The following SH3BGRL2 variants were observed in gnomAD, a reference collection of about 807,000 sequenced individuals.
The protein encoded by SH3BGRL2 is SH3 domain-binding glutamic acid-rich-like protein 2.
Under a neutral mutation model 14.8 loss-of-function variants are expected in SH3BGRL2, and 21 were observed. The observed-to-expected ratio is 1.42, with a 90% CI of 1.01 to 2.05. The LOEUF is 2.05. Among genes scored for constraint, SH3BGRL2 ranks in the 30% most tolerant of loss-of-function variants. The pLI, the probability that SH3BGRL2 is intolerant of heterozygous loss-of-function variation, is 0.00. For synonymous variants in SH3BGRL2, 50 were observed against 47.8 expected (o/e 1.05, Z -0.19); for missense variants, 147 against 130.8 (o/e 1.12, Z -0.61).
chr6:79,665,217 A>G (rs1161177193), intron 1 of SH3BGRL2, among the ~76,000 whole-genome samples: 1 of 152,222 alleles, frequency 6.6e-6, no homozygotes, highest in East Asian at 1.9e-4. Context: ...ATAAAAAAAT[A>G]AAAATTCAGC....
chr6:79,544,816 T>C, the SH3BGRL2 span, among the ~76,000 whole-genome samples: 1 of 152,224 alleles, frequency 6.6e-6, no homozygotes, highest in Admixed American at 6.5e-5. Context: ...TAAGTTGTTA[T>C]TTGGAGTATT....
At chr6:79,591,913 C>T in the SH3BGRL2 span, among the ~76,000 whole-genome samples, 22 of 152,006 alleles carry the variant, frequency 1.4e-4, no homozygotes, top group Admixed American at 9.2e-4. Context: ...ATAATGATGA[C>T]GTTGAAAGAT....
chr6:79,641,745 A>G (rs1769037421), intron 1 of SH3BGRL2, among the ~76,000 whole-genome samples: 1 of 152,208 alleles, frequency 6.6e-6, no homozygotes, highest in Non-Finnish European at 1.5e-5. Flanking sequence ...TAGTAGTAGT[A>G]GTAATAACAG....
the SH3BGRL2 span, chr6:79,561,728 G>A: frequency 6.6e-6 from 1 of 152,228 alleles, no homozygotes; most frequent in Non-Finnish European, 1.5e-5. Context: ...CTGCTGACAG[G>A]ATAGAACTGG....
chr6:79,586,426 T>C, the SH3BGRL2 span, among the ~76,000 whole-genome samples: 2 of 152,142 alleles, frequency 1.3e-5, no homozygotes, highest in Admixed American at 1.3e-4. Flanking sequence ...CTTTTACATA[T>C]GAATATGTTT....
chr6:79,688,110 C>T (rs1026418317), intron 2 of SH3BGRL2, among the ~76,000 whole-genome samples: 1 of 151,902 alleles, frequency 6.6e-6, no homozygotes, highest in African/African-American at 2.4e-5. Context: ...GTTAACTCTA[C>T]CTGTTGTAGA....
At chr6:79,647,688 T>C (rs1769171043) in intron 1 of SH3BGRL2, among the ~76,000 whole-genome samples, 1 of 152,130 alleles carries the variant, frequency 6.6e-6, no homozygotes, top group Non-Finnish European at 1.5e-5. Flanking sequence ...AAGAAAGTCA[T>C]CAGTGCTAGA....
the SH3BGRL2 span, among the ~76,000 whole-genome samples, chr6:79,622,888 A>G: frequency 6.6e-6 from 1 of 152,206 alleles, no homozygotes; most frequent in African/African-American, 2.4e-5. Context: ...CAACAAATAA[A>G]CTGAATTGAG....
intron 2 of SH3BGRL2, among the ~76,000 whole-genome samples, chr6:79,678,289 TC>T (rs34938727): frequency 0.11 from 16,014 of 152,142 alleles, 1,350 homozygotes; most frequent in East Asian, 0.45. Flanking sequence ...CTTAAACAAC[TC>T]CCCTTTGCCC....
the SH3BGRL2 span, among the ~76,000 whole-genome samples, chr6:79,590,423 T>TA: frequency 1.2e-4 from 6 of 51,542 alleles, no homozygotes; most frequent in East Asian, 3.4e-4. Flanking sequence ...AAAGAAAATG[T>TA]GATATATATA....
chr6:79,583,710 A>G, the SH3BGRL2 span, among the ~76,000 whole-genome samples: 504 of 152,306 alleles, frequency 3.3e-3, no homozygotes, highest in African/African-American at 0.011. Flanking sequence ...CAGCAAACCA[A>G]CATGGCACAT....
chr6:79,664,048 C>G lies in SH3BGRL2; in HGVS notation c.46-9566C>G, dbSNP rs569334047. ...GAGCACAGTATTTGAGTGGGAGTGT[C>G]CTGTTTTTCCAGGTACAGTCTGTCA... On this transcript the variant is annotated intron_variant, in intron 1 of 3. Coordinates refer to ENST00000369838, the MANE Select transcript of SH3BGRL2 (RefSeq NM_031469.4). Among the ~76,000 whole-genome samples, 7 of 152,288 alleles carry G rather than the reference C, an allele frequency of 4.6e-5. No homozygotes were observed. In the East Asian group the frequency reaches 1.4e-3, roughly 29 times the overall value.
At chr6:79,540,210 G>A in the SH3BGRL2 span, among the ~76,000 whole-genome samples, 1 of 151,898 alleles carries the variant, frequency 6.6e-6, no homozygotes, top group African/African-American at 2.4e-5. Context: ...CAAGGTGGGT[G>A]GATCACGAGG....
At chr6:79,696,400 T>C in intron 2 of SH3BGRL2, 85 bp from the exon 3 acceptor site, 1 of 1,003,478 alleles carries the variant, frequency 1.0e-6, no homozygotes, top group Non-Finnish European at 1.5e-6. Flanking sequence ...ATTTTTTACT[T>C]CCATAAAGAA....
chr6:79,618,433 C>A, the SH3BGRL2 span, among the ~76,000 whole-genome samples: 5 of 152,200 alleles, frequency 3.3e-5, no homozygotes, highest in African/African-American at 4.8e-5. Context: ...TTGGGCCAGG[C>A]GCCGTGGCTC....
the SH3BGRL2 span, among the ~76,000 whole-genome samples, chr6:79,537,690 G>C: frequency 6.6e-6 from 1 of 152,222 alleles, no homozygotes; most frequent in Non-Finnish European, 1.5e-5. Context: ...TGGGCTCCGA[G>C]AGGGACGCGG....
the SH3BGRL2 span, among the ~76,000 whole-genome samples, chr6:79,610,858 A>T: frequency 6.6e-6 from 1 of 152,170 alleles, no homozygotes; most frequent in Admixed American, 6.5e-5. Flanking sequence ...GACAGATAAA[A>T]GCCCTGGGTT....
chr6:79,579,910 G>A, the SH3BGRL2 span, among the ~76,000 whole-genome samples: 3 of 152,160 alleles, frequency 2.0e-5, no homozygotes, highest in South Asian at 4.1e-4. Context: ...CCCATCTCAC[G>A]TGCAGAGACA....
chr6:79,632,872 A>T (rs1017558649), intron 1 of SH3BGRL2, among the ~76,000 whole-genome samples: 6 of 152,242 alleles, frequency 3.9e-5, no homozygotes, highest in African/African-American at 1.4e-4. Context: ...TGCACTCCTT[A>T]CTAAGAATGC....
Sources: allele counts gnomAD v4.1 joint callset (sites outside exome capture counted in the v4.1 genomes callset), GRCh38; gene constraint gnomAD v4.1.1; transcripts MANE v1.5; gene names NCBI Gene and HGNC (gene_info 2026-07-23, HGNC 2026-07-21).